KIAA0586: variants seen among roughly 807,000 people sequenced by gnomAD.
KIAA0586 encodes the protein protein TALPID3.
Under a neutral mutation model 169.8 loss-of-function variants are expected in KIAA0586, and 144 were observed. The ratio of observed to expected loss-of-function variants is 0.85; its 90% CI spans 0.74 to 0.97. The LOEUF is 0.97. Ranked by LOEUF, KIAA0586 falls within the 50% of genes least tolerant of loss-of-function variation. The pLI is 0.00. For missense variants in KIAA0586, 1,854 were observed against 1,823.0 expected (o/e 1.02, Z -0.31); for synonymous variants, 625 against 612.4 (o/e 1.02, Z -0.30).
intron 29 of KIAA0586, chr14:58,536,913 A>G (rs1365393944): frequency 2.0e-6 from 1 of 510,520 alleles, no homozygotes; most frequent in African/African-American, 2.1e-5. Context: ...CAAAATTTCC[A>G]TAGAAATGTT....
chr14:58,528,700 A>G (rs1167330017), intron 29 of KIAA0586, among the ~76,000 whole-genome samples: 2 of 152,248 alleles, frequency 1.3e-5, no homozygotes, highest in Non-Finnish European at 2.9e-5. Flanking sequence ...GACACATTTA[A>G]AGCAGTGTGT....
chr14:58,498,641 T>C, intron 26 of KIAA0586, 142 bp from the exon 27 acceptor site: 1 of 524,690 alleles, frequency 1.9e-6, no homozygotes, highest in South Asian at 4.7e-5. Flanking sequence ...TTCTTGCATG[T>C]AATGTATATG....
At chr14:58,470,964 G>A (rs1457724749) in intron 17 of KIAA0586, among the ~76,000 whole-genome samples, 2 of 151,848 alleles carry the variant, frequency 1.3e-5, no homozygotes, top group African/African-American at 4.8e-5. Context: ...CAATTCTCCT[G>A]CCTCAGCCTC....
Position 58,482,662 on chromosome 14 carries a change from G to T in KIAA0586, c.3094G>T (p.Val1032Phe). 8 of 1,601,784 alleles carry T rather than the reference G, an allele frequency of 5.0e-6. No individual in the cohort carries two copies. Among genetic ancestry groups the T allele is most frequent in the South Asian group, 4.5e-5 (4 of 88,528 alleles). Residue 1032 changes from valine (V) to phenylalanine (F), a missense_variant, in exon 21 of 31, where the codon GTT becomes TTT. Transcript: ENST00000652326. ...CAGAGAAGCAAAGAAGCAAGGTCCTGTTGCTACAGGTGTTTCTGGGGATGC... is the reference window on the plus strand; with the variant it reads ...CAGAGAAGCAAAGAAGCAAGGTCCTTTTGCTACAGGTGTTTCTGGGGATGC... ...GDREAKKQGP[V>F]ATGVSGDAST...
intron 21 of KIAA0586, 100 bp from the exon 22 acceptor site, chr14:58,486,907 A>C (rs1249364540): frequency 1.2e-4 from 114 of 923,096 alleles, no homozygotes; most frequent in Non-Finnish European, 1.5e-4. Context: ...CCTGCCATCA[A>C]TTTAAATTAT....
At chr14:58,521,996 A>C (rs967028513) in intron 29 of KIAA0586, 10 of 1,305,676 alleles carry the variant, frequency 7.7e-6, no homozygotes, top group Non-Finnish European at 1.1e-5. Context: ...TCTTAAGCAC[A>C]TAGTGGGGTT....
At position 58,458,564 on chromosome 14, in the gene KIAA0586, C is replaced by A. The variant is rs1045700382; in HGVS notation, c.1656+19C>A. 5.7e-6 allele frequency: 8 copies of A among 1,401,952 alleles called. 1 individual carries two copies. The highest frequency in any genetic ancestry group is 7.8e-6 in the Non-Finnish European group (8 of 1,025,872). 86.8% of individuals were successfully genotyped at this position (1,401,952 alleles called of 1,614,324 possible). On this transcript the variant is annotated intron_variant, in intron 12 of 30. Coordinates refer to ENST00000652326, the MANE Select transcript of KIAA0586 (RefSeq NM_001329943.3). ...AATTCAGGTATGTCTTGGAAAAAAA[C>A]TGAAAATTAAGTGAATTCTCAGAAG...
chr14:58,561,254 G>C, the KIAA0586 span, among the ~76,000 whole-genome samples: 1 of 152,106 alleles, frequency 6.6e-6, no homozygotes, highest in African/African-American at 2.4e-5. Flanking sequence ...TTTGGTTTTA[G>C]TTGGTTTTCC....
intron 26 of KIAA0586, among the ~76,000 whole-genome samples, chr14:58,495,671 T>C (rs1379034948): frequency 1.3e-5 from 2 of 152,134 alleles, no homozygotes; most frequent in Admixed American, 1.3e-4. Context: ...TGCAAGGCTT[T>C]TTAAAATTTA....
rs1026412771 is a variant in KIAA0586, at chr14:58,549,737, T to C, written c.*1805T>C. The C allele has an allele frequency of 6.6e-6, 1 of 152,206 alleles. No individual in the cohort carries two copies. Among genetic ancestry groups the C allele is most frequent in the Admixed American group, 6.5e-5 (1 of 15,284 alleles). The allele number at this position is 152,206 out of a possible 1,614,324, so 9.4% of individuals were successfully genotyped here. ...AAGGTGAAAGCTGGAGAAATGTTGC[T>C]TAGTGCTGCTTCATTTTAAACATGA... On this transcript the variant is annotated 3_prime_UTR_variant, in exon 31 of 31. Transcript: ENST00000652326.
rs973778645 is a variant in KIAA0586 at position 58,514,674 on chromosome 14, G to A, written c.4429+2047G>A. On this transcript the variant is annotated intron_variant, in intron 29 of 30. Coordinates refer to ENST00000652326, the MANE Select transcript of KIAA0586 (RefSeq NM_001329943.3). ...CTTTCAGATTTTAATATAAAAGAGA[G>A]GAATTCATTGTTCTGACAAATGGTA... 7.9e-5 allele frequency among the ~76,000 whole-genome samples: 12 copies of A among 151,894 alleles called. No homozygotes were observed. The East Asian group carries it at 1.2e-3, about 15-fold the overall frequency.
chr14:58,534,309 G>A (rs1468708712), intron 29 of KIAA0586, among the ~76,000 whole-genome samples: 2 of 152,054 alleles, frequency 1.3e-5, no homozygotes, highest in Non-Finnish European at 2.9e-5. Context: ...TCTGTGGCCT[G>A]GTATAATATA....
chr14:58,463,903 G>C, intron 14 of KIAA0586: 1 of 330,002 alleles, frequency 3.0e-6, no homozygotes, highest in Non-Finnish European at 6.0e-6. Flanking sequence ...TGTAGGTGAC[G>C]GTCTGAGACA....
At chr14:58,499,311 G>A (rs2043383580) in intron 27 of KIAA0586, among the ~76,000 whole-genome samples, 1 of 152,072 alleles carries the variant, frequency 6.6e-6, no homozygotes, top group Non-Finnish European at 1.5e-5. Context: ...GGAGTGCAGT[G>A]ACACAATCTC....
intron 26 of KIAA0586, 78 bp from the exon 27 acceptor site, chr14:58,498,705 C>T: frequency 2.4e-6 from 3 of 1,264,502 alleles, no homozygotes; most frequent in Non-Finnish European, 3.3e-6. Flanking sequence ...GGGTATTGTT[C>T]ATGATATTTG....
In KIAA0586 at chr14:58,460,022, A is replaced by C. The variant is rs567927914; in HGVS notation, c.1836A>C (p.Leu612=). 2.1e-5 allele frequency: 32 copies of C among 1,534,224 alleles called. No individual in the cohort carries two copies. Among genetic ancestry groups the C allele is most frequent in the African/African-American group, 2.7e-5 (2 of 72,998 alleles). ...AAATAGAAGAGCATTTTAGAAATCT[A>C]CCTATGAGGGGCATGCCTGCTTCAA... ...QKQIEEHFRN[L]PMRGMPASSL... Residue 612 remains leucine, a synonymous_variant, in exon 13 of 31, where the codon CTA becomes CTC. Transcript: ENST00000652326.
At position 58,457,996 on chromosome 14, in the gene KIAA0586, A is replaced by C; in HGVS notation, c.1583+17A>C. The C allele has an allele frequency of 6.6e-7, 1 of 1,510,892 alleles. No individual in the cohort carries two copies. The highest frequency in any genetic ancestry group is 9.0e-7 in the Non-Finnish European group (1 of 1,106,438). 93.6% of individuals were successfully genotyped at this position (1,510,892 alleles called of 1,614,324 possible). On this transcript the variant is annotated intron_variant, in intron 11 of 30. Transcript: ENST00000652326. The stretch of plus-strand genomic sequence containing the variant: ...TACCAACAGGTAAGAGGATGTTGGC[A>C]TCCAGGGTTATTTATGAGTCTGTCA...
chr14:58,542,774 T>C (rs993646583), intron 30 of KIAA0586, among the ~76,000 whole-genome samples: 5 of 152,156 alleles, frequency 3.3e-5, no homozygotes, highest in African/African-American at 9.7e-5. Context: ...AGAGCTGATA[T>C]GTTTGTGTGC....
At chr14:58,467,536 C>T (rs1188856656) in intron 15 of KIAA0586, among the ~76,000 whole-genome samples, 199 bp from the exon 16 acceptor site, 3 of 152,056 alleles carry the variant, frequency 2.0e-5, no homozygotes, top group Non-Finnish European at 2.9e-5. Flanking sequence ...TGATGTGAAG[C>T]GTTGAGTACA....
Sources: allele counts gnomAD v4.1 joint callset (sites outside exome capture counted in the v4.1 genomes callset), GRCh38; gene constraint gnomAD v4.1.1; transcripts MANE v1.5; gene names NCBI Gene and HGNC (gene_info 2026-07-23, HGNC 2026-07-21).